Variants in KCNN1 observed in about 807,000 individuals in gnomAD.
KCNN1 encodes the protein potassium calcium-activated channel subfamily N member 1, also known as small conductance calcium-activated potassium channel protein 1.
Under a neutral mutation model 44.7 loss-of-function variants are expected in KCNN1, and 20 were observed. The ratio of observed to expected loss-of-function variants is 0.45; its 90% CI spans 0.32 to 0.65. KCNN1 has a LOEUF of 0.65. Among genes scored for constraint, KCNN1 ranks in the 30% least tolerant of loss-of-function variants. The probability of loss-of-function intolerance (pLI) is 0.05; values close to 1 mark genes in which losing one functional copy is unlikely to be tolerated. For synonymous variants in KCNN1, 324 were observed against 341.7 expected, an observed-to-expected ratio of 0.95 and a Z score of 0.57; for missense variants, 632 against 785.3, an observed-to-expected ratio of 0.80 and a Z score of 2.33.
chr19:17,987,091 C>T (rs1183277974), intron 5 of KCNN1, among the ~76,000 whole-genome samples: 4 of 150,662 alleles, frequency 2.7e-5, no homozygotes, highest in Non-Finnish European at 3.0e-5. Flanking sequence ...ACAGGCATGA[C>T]GCCACCACGC....
Position 17,967,266 on chromosome 19 carries a change from C to G in KCNN1, c.-133C>G. 1 of 985,242 alleles carries G rather than the reference C, an allele frequency of 1.0e-6. No homozygotes were observed. The highest frequency in any genetic ancestry group is 4.6e-5 in the South Asian group (1 of 21,854). The allele number at this position is 985,242 out of a possible 1,614,324, so 61.0% of individuals were successfully genotyped here. On this transcript the variant is annotated 5_prime_UTR_variant, in exon 1 of 10. Transcript: ENST00000684775. ...TCCCGACTGGGGGTCCGCGGCCGCG[C>G]GGGACCCTCTCCCCTCCAGCCTTGT...
At chr19:17,973,147 T>C (rs907916427) in intron 1 of KCNN1, among the ~76,000 whole-genome samples, 3 of 152,226 alleles carry the variant, frequency 2.0e-5, no homozygotes, top group Non-Finnish European at 2.9e-5. Context: ...GTTTTTGTTT[T>C]TTTTAGAGAT....
intron 1 of KCNN1, among the ~76,000 whole-genome samples, chr19:17,971,746 G>A (rs1469923384): frequency 1.3e-5 from 2 of 152,032 alleles, no homozygotes; most frequent in Non-Finnish European, 2.9e-5. Flanking sequence ...TTCCAGGCGT[G>A]AGCCACCGTG....
chr19:17,977,110 A>G (rs1359891411), intron 3 of KCNN1, among the ~76,000 whole-genome samples: 3 of 152,112 alleles, frequency 2.0e-5, no homozygotes, highest in Non-Finnish European at 4.4e-5. Flanking sequence ...AGGCGTTAGC[A>G]GGGTTGGTTC....
Position 17,973,813 on chromosome 19 carries a change from T to C in KCNN1, c.-76T>C. 6.6e-7 allele frequency: 1 copy of C among 1,523,652 alleles called. No homozygotes were observed. 94.4% of individuals were successfully genotyped at this position (1,523,652 alleles called of 1,614,324 possible). ...GTCCCTCTGTGCCCTTGCAGGTCAG[T>C]GCAGGAGCCCAGCCGCTGAGCCATG... On this transcript the variant is annotated 5_prime_UTR_variant, in exon 2 of 10. Coordinates refer to ENST00000684775, the MANE Select transcript of KCNN1 (RefSeq NM_001386974.1).
intron 2 of KCNN1, among the ~76,000 whole-genome samples, chr19:17,961,582 C>CTTTTTTTT (rs756599442): frequency 9.9e-6 from 1 of 101,310 alleles, no homozygotes; most frequent in African/African-American, 4.4e-5. Context: ...TTCTTTCTTT[C>CTTTTTTTT]TTTCTTTTTT....
At chr19:17,971,511 G>A (rs2145922362) in intron 1 of KCNN1, among the ~76,000 whole-genome samples, 1 of 152,036 alleles carries the variant, frequency 6.6e-6, no homozygotes, top group Middle Eastern at 3.4e-3. Flanking sequence ...TGCCCAGGCT[G>A]GAGTGCAATG....
chr19:17,968,435 G>A (rs1321572185), intron 1 of KCNN1, among the ~76,000 whole-genome samples: 2 of 151,894 alleles, frequency 1.3e-5, no homozygotes, highest in East Asian at 1.9e-4. Context: ...TGGGGGGGAG[G>A]CACCATGAGG....
At chr19:17,992,950 G>C in intron 7 of KCNN1, 104 bp from the exon 8 acceptor site, 4 of 1,461,488 alleles carry the variant, frequency 2.7e-6, no homozygotes, top group Non-Finnish European at 3.8e-6. Flanking sequence ...GGGGCCCTAG[G>C]GTGGCATCCC....
intron 1 of KCNN1, among the ~76,000 whole-genome samples, chr19:17,971,047 C>G (rs971835803): frequency 1.3e-5 from 2 of 152,018 alleles, no homozygotes; most frequent in Non-Finnish European, 2.9e-5. Flanking sequence ...CCACACCTGG[C>G]TAATTTTTGT....
At chr19:17,982,596 G>A in intron 4 of KCNN1, 1 of 985,272 alleles carries the variant, frequency 1.0e-6, no homozygotes, top group South Asian at 4.7e-5. Flanking sequence ...ACCCTCCGCT[G>A]AGCTGTGTGC....
At chr19:17,958,860 G>A (rs1405414580) in intron 2 of KCNN1, among the ~76,000 whole-genome samples, 8 of 151,174 alleles carry the variant, frequency 5.3e-5, no homozygotes, top group African/African-American at 1.9e-4. Flanking sequence ...ACCACGCCTG[G>A]CTAATTTTTT....
chr19:17,985,927 A>G (rs2032579263), intron 5 of KCNN1, among the ~76,000 whole-genome samples: 1 of 152,232 alleles, frequency 6.6e-6, no homozygotes, highest in South Asian at 2.1e-4. Flanking sequence ...TGCCATGGAC[A>G]TGCTATAACT....
rs544004235 is a variant in KCNN1 at position 17,999,874 on chromosome 19, G to C, written c.*1468G>C. 96 of 431,802 alleles carry C rather than the reference G, an allele frequency of 2.2e-4. No homozygotes were observed. The highest frequency in any genetic ancestry group is 4.1e-4 in the Non-Finnish European group (88 of 213,692). The allele number at this position is 431,802 out of a possible 1,614,324, so 26.7% of individuals were successfully genotyped here. On this transcript the variant is annotated 3_prime_UTR_variant, in exon 10 of 10. Coordinates refer to ENST00000684775, the MANE Select transcript of KCNN1 (RefSeq NM_001386974.1). ...ATGACCAGCTTGGGCCCACGCACGA[G>C]AAGGGTATGAGGAGGTGCTGGTCAG...
At position 17,993,088 on chromosome 19, in the gene KCNN1, G is replaced by A. The variant is rs371878990; in HGVS notation, c.1307+26G>A. ...GTAAGTGTTCTCCCAGGGGCTTGGT[G>A]GGGCTGGGAAATCGGGGGTGCATGG... On this transcript the variant is annotated intron_variant, in intron 8 of 9. Transcript: ENST00000684775. The surrounding 1 kb of genome is among the most constrained non-coding windows in gnomAD (Gnocchi z 4.5). 7 of 1,613,480 alleles carry A rather than the reference G, an allele frequency of 4.3e-6. No individual in the cohort carries two copies. In the South Asian group the frequency reaches 7.7e-5, roughly 18 times the overall value.
chr19:17,988,413 A>G lies in KCNN1; in HGVS notation c.1060-2A>G. ...GATGTGCCCCCTCTGCCCTGCACAC[A>G]GGGAGCTGGCTGTACCGCGCTCGTG... On this transcript the variant is annotated splice_acceptor_variant, in intron 5 of 9. Coordinates refer to ENST00000684775, the MANE Select transcript of KCNN1 (RefSeq NM_001386974.1). LOFTEE classifies it high-confidence loss of function. The G allele has an allele frequency of 6.2e-7, 1 of 1,610,450 alleles. No homozygotes were observed. The highest frequency in any genetic ancestry group is 8.5e-7 in the Non-Finnish European group (1 of 1,178,462).
At chr19:17,967,001 A>T, upstream of KCNN1, 1 of 408,804 alleles carries the variant, frequency 2.4e-6, no homozygotes, top group Non-Finnish European at 3.3e-6. Flanking sequence ...TGGGATCTTT[A>T]AATATGGGCG....
chr19:17,970,220 A>G, intron 1 of KCNN1, among the ~76,000 whole-genome samples: 1 of 127,542 alleles, frequency 7.8e-6, no homozygotes, highest in Non-Finnish European at 1.6e-5. Context: ...GATTGATGTG[A>G]TGGGTGAGGG....
Position 17,981,840 on chromosome 19 carries a change from G to A in KCNN1, c.630G>A (p.Thr210=), listed in dbSNP as rs370264501. The change falls in exon 4 of 10, where the codon ACG becomes ACA. Residue 210 remains threonine, a synonymous_variant. Transcript: ENST00000684775. ...PVPGHYRFTW[T]ARLAFTYAPS... ...CCGGCCACTACCGCTTCACGTGGACGGCGCGGCTGGCCTTCACGTACGCGC... is the reference window on the plus strand; with the variant it reads ...CCGGCCACTACCGCTTCACGTGGACAGCGCGGCTGGCCTTCACGTACGCGC... 3.3e-4 allele frequency: 525 copies of A among 1,612,702 alleles called. No individual in the cohort carries two copies. The highest frequency in any genetic ancestry group is 4.1e-4 in the Non-Finnish European group (483 of 1,179,348).
Sources: allele counts gnomAD v4.1 joint callset (sites outside exome capture counted in the v4.1 genomes callset), GRCh38; gene constraint gnomAD v4.1.1; non-coding constraint Gnocchi (gnomAD v3.1); transcripts MANE v1.5; gene names NCBI Gene and HGNC (gene_info 2026-07-23, HGNC 2026-07-21).